KCNJ6: variants seen among roughly 807,000 people sequenced by gnomAD.
The protein encoded by KCNJ6 is G protein-activated inward rectifier potassium channel 2.
A neutral mutation model predicts 34.2 loss-of-function variants in KCNJ6; 9 were observed. The observed-to-expected ratio is 0.26, with a 90% CI of 0.16 to 0.46. KCNJ6 has a LOEUF of 0.46. KCNJ6 is among the 20% of genes least tolerant of loss of function. The probability of loss-of-function intolerance (pLI) is 1.00; values close to 1 mark genes in which losing one functional copy is unlikely to be tolerated. For synonymous variants in KCNJ6, 196 were observed against 207.1 expected (o/e 0.95, Z 0.46); for missense variants, 236 against 531.3 (o/e 0.44, Z 5.46).
chr21:37,637,858 C>T (rs1422388231), intron 3 of KCNJ6, among the ~76,000 whole-genome samples: 1 of 152,214 alleles, frequency 6.6e-6, no homozygotes, highest in African/African-American at 2.4e-5. Context: ...GAGGACACAG[C>T]AAGAAGGTGG....
At chr21:37,886,464 G>A (rs181226448) in intron 1 of KCNJ6, among the ~76,000 whole-genome samples, 1 of 152,120 alleles carries the variant, frequency 6.6e-6, no homozygotes. Flanking sequence ...ATCATCCTGG[G>A]TCTTTCCAAG....
Position 37,915,962 on chromosome 21 carries a change from G to A in KCNJ6, c.-106C>T, listed in dbSNP as rs2055891652. 1 of 152,740 alleles carries A rather than the reference G, an allele frequency of 6.5e-6. No homozygotes were observed. The highest frequency in any genetic ancestry group is 2.4e-5 in the African/African-American group (1 of 41,448). 9.5% of individuals were successfully genotyped at this position (152,740 alleles called of 1,614,324 possible). ...AGCAAGACTGAACAATTCACTACACGACGGATGGCGAGGGAAGGAAATGCA... is the reference window on the plus strand; with the variant it reads ...AGCAAGACTGAACAATTCACTACACAACGGATGGCGAGGGAAGGAAATGCA... On this transcript the variant is annotated 5_prime_UTR_variant, in exon 1 of 4. Coordinates refer to ENST00000609713, the MANE Select transcript of KCNJ6 (RefSeq NM_002240.5).
chr21:37,853,084 G>C (rs899282329), intron 1 of KCNJ6, among the ~76,000 whole-genome samples: 5 of 144,664 alleles, frequency 3.5e-5, no homozygotes, highest in African/African-American at 1.3e-4. Flanking sequence ...AGGAGGAGAA[G>C]AAAAAGAAGA....
rs114388249 is a variant in KCNJ6, at chr21:37,771,220, T to C, written c.26-56089A>G. ...TCACTCACCCAAATACAAATATAGA[T>C]GCTGCTGTGAAGGTATTTTGCAGAT... On this transcript the variant is annotated intron_variant, in intron 2 of 3. Coordinates refer to ENST00000609713, the MANE Select transcript of KCNJ6 (RefSeq NM_002240.5). Among the ~76,000 whole-genome samples, 501 of 152,294 alleles carry C rather than the reference T, an allele frequency of 3.3e-3. 2 individuals are homozygous for C. The highest frequency in any genetic ancestry group is 0.012 in the African/African-American group (482 of 41,568).
chr21:37,891,580 A>G (rs2836038), intron 1 of KCNJ6, among the ~76,000 whole-genome samples: 32,313 of 152,068 alleles, frequency 0.21, 4,841 homozygotes, highest in East Asian at 0.63. Flanking sequence ...TTTGTGTAAC[A>G]GGGGATTTAT....
intron 3 of KCNJ6, among the ~76,000 whole-genome samples, chr21:37,646,281 T>TA (rs1396223274): frequency 2.0e-5 from 3 of 152,104 alleles, no homozygotes; most frequent in African/African-American, 7.2e-5. Flanking sequence ...TGTGGCAAAA[T>TA]AAACCCCCAC....
rs115640594 is a variant in KCNJ6 at position 37,868,050 on chromosome 21, T to C, written c.-27-27341A>G. Among the ~76,000 whole-genome samples, 1,210 of 152,280 alleles carry C rather than the reference T, an allele frequency of 7.9e-3. 17 individuals are homozygous for C. Among genetic ancestry groups the C allele is most frequent in the African/African-American group, 0.027 (1,128 of 41,542 alleles). On this transcript the variant is annotated intron_variant, in intron 1 of 3. Coordinates refer to ENST00000609713, the MANE Select transcript of KCNJ6 (RefSeq NM_002240.5). Reference sequence around the variant, plus strand: ...TGGGGACCATCTTTTCCCTAAGACCTCACAGCCAGCTGGGAGAATGAAGTT... The same window carrying C: ...TGGGGACCATCTTTTCCCTAAGACCCCACAGCCAGCTGGGAGAATGAAGTT...
At position 37,617,007 on chromosome 21, in the gene KCNJ6, TTTC is replaced by T. The variant is rs1486192002; in HGVS notation, c.*8149_*8151del. ...TTTCTCTTTCTTTCTTTCTCTTTCT[TTTC>T]TCTTTCTTTCTTTCTTTCTTTCTTT... On this transcript the variant is annotated 3_prime_UTR_variant, in exon 4 of 4. Coordinates refer to ENST00000609713, the MANE Select transcript of KCNJ6 (RefSeq NM_002240.5). 1.4e-4 allele frequency: 9 copies of T among 65,972 alleles called. No individual in the cohort carries two copies. Among genetic ancestry groups the T allele is most frequent in the East Asian group, 3.9e-4 (1 of 2,548 alleles). The allele number at this position is 65,972 out of a possible 1,614,324, so 4.1% of individuals were successfully genotyped here.
chr21:37,753,267 A>G (rs2055005790), intron 2 of KCNJ6, among the ~76,000 whole-genome samples: 2 of 152,182 alleles, frequency 1.3e-5, no homozygotes, highest in South Asian at 4.1e-4. Context: ...GTGAGTGGAC[A>G]GGGCCCAGAT....
intron 2 of KCNJ6, among the ~76,000 whole-genome samples, chr21:37,766,458 T>C (rs190143592): frequency 1.6e-4 from 25 of 152,310 alleles, no homozygotes; most frequent in African/African-American, 6.0e-4. Context: ...GCATTTAATC[T>C]GTTAGATCCC....
At chr21:37,678,444 C>T in intron 3 of KCNJ6, among the ~76,000 whole-genome samples, 1 of 152,152 alleles carries the variant, frequency 6.6e-6, no homozygotes, top group East Asian at 1.9e-4. Flanking sequence ...TCCTAAGTGT[C>T]TTAACTGATT....
chr21:37,864,871 CTT>C lies in KCNJ6; in HGVS notation c.-27-24164_-27-24163del, dbSNP rs67735635. ...CCATTCTCCCCATCTGTCTCTCTCT[CTT>C]TTTTTTTTTTTTTTTGAGACTGGGT... On this transcript the variant is annotated intron_variant, in intron 1 of 3. Transcript: ENST00000609713. Among the ~76,000 whole-genome samples, 743 of 142,652 alleles carry C rather than the reference CTT, an allele frequency of 5.2e-3. 6 individuals are homozygous for C. Among genetic ancestry groups the C allele is most frequent in the African/African-American group, 0.017 (646 of 37,522 alleles). The allele number at this position is 142,652 out of a possible 152,430, so 93.6% of individuals were successfully genotyped here.
intron 2 of KCNJ6, among the ~76,000 whole-genome samples, chr21:37,750,277 G>A (rs35397699): frequency 0.16 from 23,711 of 152,184 alleles, 2,358 homozygotes; most frequent in South Asian, 0.27. Flanking sequence ...TTACACTGTT[G>A]GTGGCAGTGT....
At position 37,840,545 on chromosome 21, in the gene KCNJ6, G is replaced by GT. The variant is rs2055475044; in HGVS notation, c.25+112dup. 3 of 699,974 alleles carry GT rather than the reference G, an allele frequency of 4.3e-6. No homozygotes were observed. In the African/African-American group the frequency reaches 5.4e-5, roughly 13 times the overall value. The allele number at this position is 699,974 out of a possible 1,614,324, so 43.4% of individuals were successfully genotyped here. On this transcript the variant is annotated intron_variant, in intron 2 of 3. Transcript: ENST00000609713. The stretch of plus-strand genomic sequence containing the variant: ...TGTGTGTGAAACAGATCTCGGTCCC[G>GT]TAAGAGCAAAAGAGAAGGACAAATC...
intron 3 of KCNJ6, among the ~76,000 whole-genome samples, chr21:37,693,255 C>T (rs1174733167): frequency 0.022 from 2 of 92 alleles, no homozygotes; most frequent in South Asian, 0.17. Context: ...AGCAATGTCT[C>T]GTTCAATGCC....
At chr21:37,682,542 G>A (rs1199057227) in intron 3 of KCNJ6, among the ~76,000 whole-genome samples, 1 of 158 alleles carries the variant, frequency 6.3e-3, no homozygotes, top group East Asian at 0.12. Flanking sequence ...ATCTTCACGT[G>A]ACCTTCTTCT....
At chr21:37,736,008 C>T (rs578095916) in intron 2 of KCNJ6, among the ~76,000 whole-genome samples, 39 of 152,178 alleles carry the variant, frequency 2.6e-4, no homozygotes, top group South Asian at 4.1e-4. Context: ...CTGACTTTTT[C>T]GGTAGCACAG....
At chr21:37,780,209 C>T (rs953631778) in intron 2 of KCNJ6, among the ~76,000 whole-genome samples, 2 of 152,214 alleles carry the variant, frequency 1.3e-5, no homozygotes, top group African/African-American at 4.8e-5. Flanking sequence ...GCTAGCCAGT[C>T]TGGAAAAGCT....
intron 3 of KCNJ6, among the ~76,000 whole-genome samples, chr21:37,703,152 A>G (rs1601426745): frequency 1.3e-5 from 2 of 152,324 alleles, no homozygotes; most frequent in South Asian, 4.1e-4. Context: ...GGTGGATATT[A>G]GGGAATGTTT....
Sources: gnomAD v4.1 joint callset for allele counts (sites outside exome capture counted in the v4.1 genomes callset) on GRCh38, gnomAD v4.1.1 for gene constraint, MANE v1.5 for transcripts, NCBI Gene and HGNC (gene_info 2026-07-23, HGNC 2026-07-21) for gene names.